Variants in DGKK observed in about 807,000 individuals in gnomAD.
DGKK encodes the protein diacylglycerol kinase kappa.
A neutral mutation model predicts 92.2 loss-of-function variants in DGKK; 35 were observed. The ratio of observed to expected loss-of-function variants is 0.38; its 90% confidence interval spans 0.29 to 0.50. The LOEUF (loss-of-function observed/expected upper bound fraction) is 0.50. DGKK is among the 20% of genes least tolerant of loss of function. The probability of loss-of-function intolerance (pLI) is 0.92; values close to 1 mark genes in which losing one functional copy is unlikely to be tolerated. For missense variants in DGKK, 910 were observed against 992.2 expected, an observed-to-expected ratio of 0.92 and a Z score of 1.11; for synonymous variants, 368 against 360.6, an observed-to-expected ratio of 1.02 and a Z score of -0.23.
In DGKK at chrX:50,376,746, C is replaced by T; in HGVS notation, c.3272+12G>A. ...AGGATTCTCAGCCCTGTATCTAGGC[C>T]AGTCCACTTACTTGCTGATGAGGTT... On this transcript the variant is annotated intron_variant, in intron 23 of 27. Coordinates refer to ENST00000611977, the MANE Select transcript of DGKK (RefSeq NM_001013742.4). 8.5e-7 allele frequency: 1 copy of T among 1,177,377 alleles called. No homozygotes were observed. Among genetic ancestry groups the T allele is most frequent in the South Asian group, 2.0e-5 (1 of 49,747 alleles).
chrX:50,447,348 TATATATATA>T lies in DGKK; in HGVS notation c.645+22677_645+22685del, dbSNP rs1156758780. On this transcript the variant is annotated intron_variant, in intron 1 of 27. Transcript: ENST00000611977. ...TATGTATATATATATATATATTATATATATATATAATATATATATATTATATATATATAT... is the reference window on the plus strand; with the variant it reads ...TATGTATATATATATATATATTATATATATATATATATTATATATATATAT... Among the ~76,000 whole-genome samples, 71 of 10,191 alleles carry T rather than the reference TATATATATA, an allele frequency of 7.0e-3. 8 individuals carry two copies. Among genetic ancestry groups the T allele is most frequent in the African/African-American group, 0.028 (57 of 2,011 alleles). 8.8% of individuals were successfully genotyped at this position (10,191 alleles called of 115,157 possible).
intron 8 of DGKK, 41 bp downstream of exon 8, chrX:50,400,996 C>A: frequency 8.9e-7 from 1 of 1,123,831 alleles, no homozygotes; most frequent in Non-Finnish European, 1.2e-6. Flanking sequence ...ACCTTCCCTA[C>A]ATGCCCAATG....
rs1177665341 is a variant in DGKK at position 50,371,973 on chromosome X, C to T, written c.3502-139G>A. 3 of 414,958 alleles carry T rather than the reference C, an allele frequency of 7.2e-6. No individual in the cohort carries two copies. The African/African-American group carries it at 7.7e-5, about 11-fold the overall frequency. The allele number at this position is 414,958 out of a possible 1,213,427, so 34.2% of individuals were successfully genotyped here. A position where few individuals can be genotyped will look rare whatever the true frequency, so the allele number is the denominator to read the frequency against. On this transcript the variant is annotated intron_variant, in intron 25 of 27. Transcript: ENST00000611977. ...TTGTATCCCTTTGGCCCATAGCCAG[C>T]TGTTTTCTTTCTCAAAAGGAATATC...
Position 50,374,979 on chromosome X carries a change from C to T in DGKK, c.3493G>A (p.Glu1165Lys). The change falls in exon 25 of 28, where the codon GAA becomes AAA. Residue 1165 changes from glutamate to lysine, a missense_variant. Transcript: ENST00000611977. ...CAACCCCCTGCACTCACCAGCTTTT[C>T]ATCCAGGAAAGCTGTGGTGTCATCG... ...LYDDTTAFLD[E>K]KLLRSAEDET... 9 of 1,207,981 alleles carry T rather than the reference C, an allele frequency of 7.5e-6. No homozygotes were observed. Among genetic ancestry groups the T allele is most frequent in the Non-Finnish European group, 1.0e-5 (9 of 892,717 alleles).
In DGKK at chrX:50,470,702, G is replaced by A. The variant is rs2147157476; in HGVS notation, c.-24C>T. 2 of 1,090,941 alleles carry A rather than the reference G, an allele frequency of 1.8e-6. No individual in the cohort carries two copies. The highest frequency in any genetic ancestry group is 6.6e-5 in the East Asian group (2 of 30,215). 89.9% of individuals were successfully genotyped at this position (1,090,941 alleles called of 1,213,427 possible). ...ATGGCCGCACACCGCTTCAGGTCTG[G>A]GCAGCCTGAGTCCCTAAGCCTGGAA... is the stretch of plus-strand genomic sequence containing the variant. On this transcript the variant is annotated 5_prime_UTR_variant, in exon 1 of 28. Transcript: ENST00000611977.
At chrX:50,391,810 T>C (rs1218077618) in intron 10 of DGKK, among the ~76,000 whole-genome samples, 5 of 112,037 alleles carry the variant, frequency 4.5e-5, no homozygotes, top group Non-Finnish European at 9.4e-5. Flanking sequence ...AGGGAAAAGT[T>C]GCCGGAATAT....
At position 50,374,379 on chromosome X, in the gene DGKK, C is replaced by T. The variant is rs188046069; in HGVS notation, c.3501+592G>A. 2.7e-5 allele frequency among the ~76,000 whole-genome samples: 3 copies of T among 111,485 alleles called. No homozygotes were observed. The East Asian group carries it at 8.5e-4, about 32-fold the overall frequency. ...AGCTAGAAAGAGGCAAAGAAGGACCCCTTACAGGTTTTAGAGAGAGGATGG... is the reference window on the plus strand; with the variant it reads ...AGCTAGAAAGAGGCAAAGAAGGACCTCTTACAGGTTTTAGAGAGAGGATGG... On this transcript the variant is annotated intron_variant, in intron 25 of 27. Coordinates refer to ENST00000611977, the MANE Select transcript of DGKK (RefSeq NM_001013742.4).
intron 4 of DGKK, among the ~76,000 whole-genome samples, chrX:50,408,127 G>A (rs186833883): frequency 4.0e-4 from 45 of 112,328 alleles, no homozygotes; most frequent in African/African-American, 1.4e-3. Context: ...GGGCCCAAGG[G>A]GCAGAGGCAC....
intron 3 of DGKK, 87 bp from the exon 4 acceptor site, chrX:50,420,594 A>G: frequency 1.3e-6 from 1 of 793,956 alleles, no homozygotes; most frequent in East Asian, 3.2e-5. Context: ...GAAACTACAC[A>G]GATGTACCAA....
At chrX:50,375,284 T>A (rs1404269207) in intron 24 of DGKK, among the ~76,000 whole-genome samples, 1 of 111,754 alleles carries the variant, frequency 8.9e-6, no homozygotes, top group Non-Finnish European at 1.9e-5. Flanking sequence ...TGTAGTACTA[T>A]GTGAAGTGGC....
At chrX:50,449,407 C>T (rs1926442401) in intron 1 of DGKK, among the ~76,000 whole-genome samples, 1 of 111,543 alleles carries the variant, frequency 9.0e-6, no homozygotes, top group Non-Finnish European at 1.9e-5. Flanking sequence ...TTGGTTGAAA[C>T]ATCTAAGACA....
chrX:50,446,635 G>A (rs1361608042), intron 1 of DGKK, among the ~76,000 whole-genome samples: 2 of 110,956 alleles, frequency 1.8e-5, no homozygotes, highest in Non-Finnish European at 3.8e-5. Flanking sequence ...TCCTTTGTTG[G>A]ATATGTGACT....
intron 1 of DGKK, among the ~76,000 whole-genome samples, chrX:50,431,279 C>T (rs1925879578): frequency 9.0e-6 from 1 of 111,285 alleles, no homozygotes; most frequent in Non-Finnish European, 1.9e-5. Flanking sequence ...ATCCTCCCAC[C>T]TCTGTAATCC....
chrX:50,457,317 C>G (rs1926632761), intron 1 of DGKK, among the ~76,000 whole-genome samples: 1 of 111,623 alleles, frequency 9.0e-6, no homozygotes, highest in Non-Finnish European at 1.9e-5. Context: ...TGCATCAGCT[C>G]AAACTTCCTT....
intron 4 of DGKK, among the ~76,000 whole-genome samples, 198 bp downstream of exon 4, chrX:50,420,205 C>A (rs1925543945): frequency 8.9e-6 from 1 of 111,744 alleles, no homozygotes; most frequent in Non-Finnish European, 1.9e-5. Flanking sequence ...AGTATCTGCA[C>A]CACATACTCA....
chrX:50,470,309 C>G lies in DGKK; in HGVS notation c.370G>C (p.Glu124Gln), dbSNP rs1557234399. 1.7e-6 allele frequency: 2 copies of G among 1,206,177 alleles called. No individual in the cohort carries two copies. Among genetic ancestry groups the G allele is most frequent in the African/African-American group, 3.5e-5 (2 of 56,879 alleles). ...TCTAGGGCAGGTTCTGGAGTCGGCT[C>G]TGGGGCAGACTCTGTGGCAGGTTCT... ...APEPATESAP[E>Q]PTPEPALESV... The change falls in exon 1 of 28, where the codon GAG (glutamate) becomes CAG (glutamine). Residue 124 changes from glutamate (E) to glutamine (Q), a missense_variant. Transcript: ENST00000611977.
chrX:50,378,239 G>T lies in DGKK; in HGVS notation c.2977-7C>A. The T allele has an allele frequency of 8.3e-7, 1 of 1,206,418 alleles. No homozygotes were observed. Among genetic ancestry groups the T allele is most frequent in the East Asian group, 3.0e-5 (1 of 33,665 alleles). On this transcript the variant is annotated splice_polypyrimidine_tract_variant and splice_region_variant and intron_variant, in intron 21 of 27. Coordinates refer to ENST00000611977, the MANE Select transcript of DGKK (RefSeq NM_001013742.4). ...TTATCATCACCTCATGGCACTGCCA[G>T]AGAAAATGAGGAAGAATGGGAGAGA...
At chrX:50,435,956 G>T (rs1228429776) in intron 1 of DGKK, among the ~76,000 whole-genome samples, 4 of 111,709 alleles carry the variant, frequency 3.6e-5, no homozygotes, top group African/African-American at 1.3e-4. Flanking sequence ...CTGCCTCTGA[G>T]CAGAGGATTG....
intron 1 of DGKK, among the ~76,000 whole-genome samples, chrX:50,428,550 GC>G (rs1925803729): frequency 1.8e-5 from 2 of 111,922 alleles, no homozygotes; most frequent in African/African-American, 6.5e-5. Flanking sequence ...AAGTTGTATT[GC>G]TTTGAATAAG....
Sources: gnomAD v4.1 joint callset for allele counts (sites outside exome capture counted in the v4.1 genomes callset) on GRCh38, gnomAD v4.1.1 for gene constraint, MANE v1.5 for transcripts, NCBI Gene and HGNC (gene_info 2026-07-23, HGNC 2026-07-21) for gene names.